CMYA5: variants seen among roughly 807,000 people sequenced by gnomAD.
The protein encoded by CMYA5 is cardiomyopathy associated 5.
In CMYA5, 246 loss-of-function variants were observed where a neutral mutation model predicts 318.9. The observed-to-expected ratio is 0.77, with a 90% CI of 0.70 to 0.86. The LOEUF is 0.86. Ranked by LOEUF, CMYA5 falls within the 40% of genes least tolerant of loss-of-function variation. The pLI is 0.00. For missense variants in CMYA5, 4,589 were observed against 4,678.2 expected (o/e 0.98, Z 0.56); for synonymous variants, 1,641 against 1,729.5 (o/e 0.95, Z 1.27).
chr5:79,716,218 C>T (rs1204267941), intron 1 of CMYA5, among the ~76,000 whole-genome samples: 1 of 152,110 alleles, frequency 6.6e-6, no homozygotes, highest in Non-Finnish European at 1.5e-5. Flanking sequence ...AGTTCTGAAA[C>T]AATTGATAGA....
rs749254174 is a variant in CMYA5, at chr5:79,730,969, A to G, written c.2204A>G (p.Glu735Gly). 13 of 1,613,894 alleles carry G rather than the reference A, an allele frequency of 8.1e-6. No homozygotes were observed. The highest frequency in any genetic ancestry group is 2.5e-6 in the Non-Finnish European group (3 of 1,179,906). ...TCTGAGTACATGATTCCATCAGAAGAGAAGGAAGACACTGGATCGTTTACT... is the reference window on the plus strand; with the variant it reads ...TCTGAGTACATGATTCCATCAGAAGGGAAGGAAGACACTGGATCGTTTACT... ...GVSEYMIPSEEKEDTGSFTPA... is the reference protein window; with the variant it reads ...GVSEYMIPSEGKEDTGSFTPA... Residue 735 changes from glutamate (E) to glycine (G), a missense_variant, in exon 2 of 13, where the codon GAG (glutamate) becomes GGG (glycine). This residue lies in a region of CMYA5 where 2,132 missense variants were observed against 2,131.3 expected (regional missense o/e 1.00). Transcript: ENST00000446378.
rs1828065101 is a variant in CMYA5, at chr5:79,736,301, T to C, written c.7536T>C (p.Ala2512=). ...STELKESKAD[A]MPQHFYQNED... ...AACTGAAAGAATCAAAAGCCGATGC[T>C]ATGCCACAGCACTTCTATCAAAATG... Residue 2512 remains alanine (A), a synonymous_variant, in exon 2 of 13, where the codon GCT becomes GCC. Transcript: ENST00000446378. 1 of 1,613,460 alleles carries C rather than the reference T, an allele frequency of 6.2e-7. No individual in the cohort carries two copies.
intron 1 of CMYA5, among the ~76,000 whole-genome samples, chr5:79,715,411 C>T (rs999893431): frequency 6.6e-6 from 1 of 152,124 alleles, no homozygotes; most frequent in Non-Finnish European, 1.5e-5. Context: ...CCTCAGCCTC[C>T]CGAGTAGCTG....
At chr5:79,742,466 C>T (rs1828236662) in intron 2 of CMYA5, among the ~76,000 whole-genome samples, 1 of 152,118 alleles carries the variant, frequency 6.6e-6, no homozygotes, top group South Asian at 2.1e-4. Flanking sequence ...GGATTCCAGG[C>T]AGTAGCCACT....
intron 1 of CMYA5, among the ~76,000 whole-genome samples, chr5:79,705,676 A>G (rs1827256744): frequency 6.6e-6 from 1 of 152,232 alleles, no homozygotes; most frequent in Non-Finnish European, 1.5e-5. Flanking sequence ...TATATCATCC[A>G]GGAGCTGGTA....
In CMYA5 at chr5:79,733,947, C is replaced by T; in HGVS notation, c.5182C>T (p.Pro1728Ser). 6.2e-7 allele frequency: 1 copy of T among 1,613,480 alleles called. No homozygotes were observed. The highest frequency in any genetic ancestry group is 1.1e-5 in the South Asian group (1 of 91,066). ...GATCATCAGCCTAGAGTCGAAAGAA[C>T]CACCTGCCTCTGTAGCTGAAGGAGG... ...PKIISLESKE[P>S]PASVAEGGNP... The change falls in exon 2 of 13, where the codon CCA (proline) becomes TCA (serine). Residue 1728 changes from proline (P) to serine (S), a missense_variant. Transcript: ENST00000446378.
At chr5:79,764,156 C>T (rs577906580) in intron 9 of CMYA5, among the ~76,000 whole-genome samples, 5 of 152,112 alleles carry the variant, frequency 3.3e-5, no homozygotes, top group East Asian at 3.9e-4. Context: ...CCCCTACCCC[C>T]CTGCCCCCAA....
chr5:79,764,362 G>T (rs533335068), intron 9 of CMYA5, among the ~76,000 whole-genome samples: 7 of 152,170 alleles, frequency 4.6e-5, no homozygotes, highest in Admixed American at 6.5e-5. Flanking sequence ...ATAGTATTTC[G>T]TGGTATATAA....
chr5:79,719,307 A>G (rs114499054), intron 1 of CMYA5, among the ~76,000 whole-genome samples: 1,755 of 152,284 alleles, frequency 0.012, 40 homozygotes, highest in African/African-American at 0.041. Context: ...CTTTCCACTC[A>G]TGATTCTAAT....
intron 9 of CMYA5, among the ~76,000 whole-genome samples, chr5:79,769,093 T>C (rs1828809178): frequency 6.6e-6 from 1 of 152,034 alleles, no homozygotes; most frequent in Non-Finnish European, 1.5e-5. Context: ...ATTTGGCTAT[T>C]GATACTTGTG....
chr5:79,777,571 A>C (rs931921619), intron 9 of CMYA5, among the ~76,000 whole-genome samples: 3 of 151,992 alleles, frequency 2.0e-5, no homozygotes, highest in Non-Finnish European at 4.4e-5. Context: ...CAGGAGTTTG[A>C]GACCAGCCTG....
Position 79,735,912 on chromosome 5 carries a change from A to T in CMYA5, c.7147A>T (p.Lys2383Ter). Residue 2383 changes from lysine to a stop codon, truncating the protein, a stop_gained, in exon 2 of 13, where the codon AAG becomes TAG. Coordinates refer to ENST00000446378, the MANE Select transcript of CMYA5 (RefSeq NM_153610.5). LOFTEE classifies it high-confidence loss of function. ...KSLLSFDVVD[K>*]VPQQPKSASS... ...ACTCCTTTCATTTGATGTAGTAGAT[A>T]AGGTGCCACAACAGCCAAAATCAGC... The T allele has an allele frequency of 6.2e-7, 1 of 1,603,900 alleles. No individual in the cohort carries two copies. Among genetic ancestry groups the T allele is most frequent in the Non-Finnish European group, 8.5e-7 (1 of 1,177,228 alleles).
chr5:79,791,178 G>T, intron 11 of CMYA5, 109 bp downstream of exon 11: 1 of 691,590 alleles, frequency 1.4e-6, no homozygotes, highest in Non-Finnish European at 2.6e-6. Flanking sequence ...CAGTGAACAT[G>T]TCGGGATGTG....
At chr5:79,790,856 T>G in intron 10 of CMYA5, 114 bp from the exon 11 acceptor site, 2 of 669,906 alleles carry the variant, frequency 3.0e-6, no homozygotes, top group Non-Finnish European at 2.6e-6. Flanking sequence ...AGACACTTCG[T>G]GGGGGATTTT....
chr5:79,727,078 G>A (rs1279594464), intron 1 of CMYA5, among the ~76,000 whole-genome samples: 2 of 151,828 alleles, frequency 1.3e-5, no homozygotes, highest in Non-Finnish European at 2.9e-5. Context: ...ACCACACCCA[G>A]CTAATTTTTG....
intron 9 of CMYA5, among the ~76,000 whole-genome samples, chr5:79,776,022 A>AT (rs1828932989): frequency 6.6e-6 from 1 of 152,214 alleles, no homozygotes; most frequent in African/African-American, 2.4e-5. Context: ...TTTTGCAAGA[A>AT]TGTTTAATTA....
rs768390563 is a variant in CMYA5 at position 79,733,072 on chromosome 5, G to C, written c.4307G>C (p.Trp1436Ser). The change falls in exon 2 of 13, where the codon TGG becomes TCG. Residue 1436 changes from tryptophan to serine, a missense_variant. This residue lies in a region of CMYA5 where 2,132 missense variants were observed against 2,131.3 expected (regional missense o/e 1.00). Transcript: ENST00000446378. ...GAAACTTCATCCAAACATTTAGCTTGGTCAGAAGCAGAGAAGGAAATTAAA... is the reference window on the plus strand; with the variant it reads ...GAAACTTCATCCAAACATTTAGCTTCGTCAGAAGCAGAGAAGGAAATTAAA... The part of the protein sequence containing the change: ...PIETSSKHLA[W>S]SEAEKEIKFD... The C allele has an allele frequency of 2.5e-6, 4 of 1,613,498 alleles. No individual in the cohort carries two copies. The highest frequency in any genetic ancestry group is 1.1e-5 in the South Asian group (1 of 91,034).
intron 9 of CMYA5, among the ~76,000 whole-genome samples, chr5:79,775,609 AAG>A (rs559577145): frequency 2.6e-5 from 4 of 152,208 alleles, no homozygotes; most frequent in African/African-American, 9.7e-5. Flanking sequence ...ACATTTCACT[AAG>A]AGAGACAATT....
rs1378886137 is a variant in CMYA5 at position 79,793,611 on chromosome 5, G to T, written c.11963+1G>T. ...ACATGCACTGCTCTGAGCCACAGAG[G>T]TAAGCGAGCCCTTCCCCTCCCCTCT... On this transcript the variant is annotated splice_donor_variant, in intron 12 of 12. Transcript: ENST00000446378. LOFTEE classifies it high-confidence loss of function. 3 of 1,589,550 alleles carry T rather than the reference G, an allele frequency of 1.9e-6. No homozygotes were observed. The highest frequency in any genetic ancestry group is 2.6e-6 in the Non-Finnish European group (3 of 1,160,446).
Sources: gnomAD v4.1 joint callset for allele counts (sites outside exome capture counted in the v4.1 genomes callset) on GRCh38, gnomAD v4.1.1 for gene constraint, gnomAD v4.1.1 regional missense constraint, MANE v1.5 for transcripts, NCBI Gene and HGNC (gene_info 2026-07-23, HGNC 2026-07-21) for gene names.